The following ZNF804B variants were observed in gnomAD, a reference collection of about 807,000 sequenced individuals.
ZNF804B encodes zinc finger 804B.
A neutral mutation model predicts 101.4 loss-of-function variants in ZNF804B; 80 were observed. The ratio of observed to expected loss-of-function variants is 0.79; its 90% CI spans 0.66 to 0.95. The LOEUF is 0.95. Among genes scored for constraint, ZNF804B ranks in the 40% least tolerant of loss-of-function variants. The pLI, the probability that ZNF804B is intolerant of heterozygous loss-of-function variation, is 0.00. For synonymous variants in ZNF804B, 622 were observed against 558.8 expected, an observed-to-expected ratio of 1.11 and a Z score of -1.59; for missense variants, 1,673 against 1,561.9, an observed-to-expected ratio of 1.07 and a Z score of -1.20.
At chr7:88,905,758 A>G (rs1307160638) in intron 1 of ZNF804B, among the ~76,000 whole-genome samples, 1 of 152,024 alleles carries the variant, frequency 6.6e-6, no homozygotes, top group African/African-American at 2.4e-5. Context: ...AGATTTTGGT[A>G]TTGGATGCTG....
Position 88,797,260 on chromosome 7 carries a change from T to A in ZNF804B, c.108+37176T>A, listed in dbSNP as rs937329302. ...TTAATATGCCTTAAGGGTTCTTGAT[T>A]TACACTACCTCTTTCATAGTCCTAC... is the stretch of plus-strand genomic sequence containing the variant. On this transcript the variant is annotated intron_variant, in intron 1 of 3. Transcript: ENST00000333190. 3.9e-5 allele frequency among the ~76,000 whole-genome samples: 6 copies of A among 152,204 alleles called. No individual in the cohort carries two copies. The East Asian group carries it at 1.2e-3, about 30-fold the overall frequency.
At chr7:88,881,991 T>C (rs1198713605) in intron 1 of ZNF804B, among the ~76,000 whole-genome samples, 3 of 152,186 alleles carry the variant, frequency 2.0e-5, no homozygotes, top group African/African-American at 4.8e-5. Flanking sequence ...ATAGCTAATA[T>C]AGACACTATT....
rs566625292 is a variant in ZNF804B, at chr7:89,063,060, A to G, written c.109-155095A>G. On this transcript the variant is annotated intron_variant, in intron 1 of 3. Coordinates refer to ENST00000333190, the MANE Select transcript of ZNF804B (RefSeq NM_181646.5). ...TTTCATGATTGTTGTAAGAAGTAGGATAATGTATTTGCAGTACTTAGTACA... is the reference window on the plus strand; with the variant it reads ...TTTCATGATTGTTGTAAGAAGTAGGGTAATGTATTTGCAGTACTTAGTACA... 9.2e-5 allele frequency among the ~76,000 whole-genome samples: 14 copies of G among 152,266 alleles called. 1 individual carries two copies. The highest frequency in any genetic ancestry group is 3.4e-4 in the African/African-American group (14 of 41,562).
At chr7:88,979,811 ACT>A (rs1052769381) in intron 1 of ZNF804B, among the ~76,000 whole-genome samples, 32 of 146,554 alleles carry the variant, frequency 2.2e-4, no homozygotes, top group Admixed American at 3.4e-4. Context: ...TCTATCCCAA[ACT>A]CTCTCTCTAC....
At chr7:88,782,719 C>A (rs1033648635) in intron 1 of ZNF804B, among the ~76,000 whole-genome samples, 2 of 152,036 alleles carry the variant, frequency 1.3e-5, no homozygotes, top group African/African-American at 4.8e-5. Flanking sequence ...GCAGGGAGAA[C>A]AAGGTAGTGT....
At chr7:89,063,570 TG>T (rs1404390791) in intron 1 of ZNF804B, among the ~76,000 whole-genome samples, 1 of 151,726 alleles carries the variant, frequency 6.6e-6, no homozygotes, top group Non-Finnish European at 1.5e-5. Context: ...GGTGGGAAAC[TG>T]GGGGAAGCAA....
intron 1 of ZNF804B, among the ~76,000 whole-genome samples, chr7:89,067,922 C>T (rs1789479212): frequency 6.6e-6 from 1 of 150,612 alleles, no homozygotes; most frequent in Non-Finnish European, 1.5e-5. Flanking sequence ...CATTCTCCTG[C>T]CTCAGCCTCA....
chr7:89,265,282 G>A (rs1003576173), intron 2 of ZNF804B, among the ~76,000 whole-genome samples: 5 of 99,394 alleles, frequency 5.0e-5, no homozygotes, highest in Non-Finnish European at 1.0e-4. Flanking sequence ...GTGTGTGTGT[G>A]TGTGTGTGTG....
Position 89,146,750 on chromosome 7 carries a change from G to T in ZNF804B, c.109-71405G>T, listed in dbSNP as rs184161068. 1.5e-3 allele frequency among the ~76,000 whole-genome samples: 227 copies of T among 152,104 alleles called. 1 individual carries two copies. The highest frequency in any genetic ancestry group is 4.5e-3 in the African/African-American group (185 of 41,516). ...AAAAATTAATAAGATAATTGGCCAG[G>T]TGTGTTGGTTCATGCCTGTAATCTG... On this transcript the variant is annotated intron_variant, in intron 1 of 3. Transcript: ENST00000333190.
chr7:88,854,518 T>TTCCTTCCC (rs1562812864), intron 1 of ZNF804B, among the ~76,000 whole-genome samples: 23 of 68,160 alleles, frequency 3.4e-4, no homozygotes, highest in Non-Finnish European at 5.5e-4. Flanking sequence ...TTTCCTTTCC[T>TTCCTTCCC]TTCCTTCCTT....
intron 1 of ZNF804B, among the ~76,000 whole-genome samples, chr7:88,958,835 G>A (rs1049339600): frequency 6.6e-6 from 1 of 151,318 alleles, no homozygotes; most frequent in African/African-American, 2.4e-5. Context: ...GGAATTCTAC[G>A]GCACTCATTT....
chr7:88,796,271 C>A (rs1790483485), intron 1 of ZNF804B, among the ~76,000 whole-genome samples: 1 of 151,988 alleles, frequency 6.6e-6, no homozygotes, highest in Admixed American at 6.6e-5. Context: ...TCCCTGAGTT[C>A]TGTATTATCC....
intron 2 of ZNF804B, among the ~76,000 whole-genome samples, chr7:89,278,436 C>T (rs1218016509): frequency 6.7e-6 from 1 of 150,354 alleles, no homozygotes; most frequent in Non-Finnish European, 1.5e-5. Context: ...GTGCCTATGT[C>T]CTGAATGGTA....
chr7:88,896,620 A>G (rs918147845), intron 1 of ZNF804B, among the ~76,000 whole-genome samples: 1 of 152,370 alleles, frequency 6.6e-6, no homozygotes, highest in Middle Eastern at 3.4e-3. Flanking sequence ...CGCCTAAAGA[A>G]TACGTGATAC....
rs535276552 is a variant in ZNF804B, at chr7:88,793,073, A to G, written c.108+32989A>G. ...AAAAAAAATAATAAAAAATAAAACTATAATGATAAGTATTTTCTCCATTAA... is the reference window on the plus strand; with the variant it reads ...AAAAAAAATAATAAAAAATAAAACTGTAATGATAAGTATTTTCTCCATTAA... On this transcript the variant is annotated intron_variant, in intron 1 of 3. Transcript: ENST00000333190. Among the ~76,000 whole-genome samples the G allele has an allele frequency of 1.2e-4, 18 of 152,210 alleles. No homozygotes were observed. In the East Asian group the frequency reaches 3.1e-3, roughly 26 times the overall value.
intron 1 of ZNF804B, among the ~76,000 whole-genome samples, chr7:89,139,932 GCTCACATC>G (rs1790692050): frequency 6.6e-6 from 1 of 152,018 alleles, no homozygotes; most frequent in South Asian, 2.1e-4. Context: ...AATTTACCTT[GCTCACATC>G]CATCAGAGGA....
At chr7:89,063,756 T>C (rs1789410465) in intron 1 of ZNF804B, among the ~76,000 whole-genome samples, 1 of 152,170 alleles carries the variant, frequency 6.6e-6, no homozygotes, top group South Asian at 2.1e-4. Flanking sequence ...CAGTCACCCA[T>C]TCATTTGTTC....
At chr7:89,009,281 T>G (rs895080389) in intron 1 of ZNF804B, among the ~76,000 whole-genome samples, 2 of 152,216 alleles carry the variant, frequency 1.3e-5, no homozygotes, top group African/African-American at 4.8e-5. Flanking sequence ...TATTCTTGAT[T>G]TCTAATCATT....
At chr7:89,097,080 T>C (rs570298544) in intron 1 of ZNF804B, among the ~76,000 whole-genome samples, 24 of 152,222 alleles carry the variant, frequency 1.6e-4, no homozygotes, top group Non-Finnish European at 3.4e-4. Flanking sequence ...AATCCTGTAT[T>C]CAGGTTCATG....
Sources: allele counts gnomAD v4.1 joint callset (sites outside exome capture counted in the v4.1 genomes callset), GRCh38; gene constraint gnomAD v4.1.1; transcripts MANE v1.5; gene names NCBI Gene and HGNC (gene_info 2026-07-23, HGNC 2026-07-21).